KCNMB2: variants seen among roughly 807,000 people sequenced by gnomAD.
KCNMB2 encodes potassium calcium-activated channel subfamily M regulatory beta subunit 2, also known as calcium-activated potassium channel subunit beta-2.
Under a neutral mutation model 24.5 loss-of-function variants are expected in KCNMB2, and 9 were observed. The observed-to-expected ratio is 0.37, with a 90% CI of 0.22 to 0.64. The LOEUF (loss-of-function observed/expected upper bound fraction) is 0.64. Ranked by LOEUF, KCNMB2 falls within the 30% of genes least tolerant of loss-of-function variation. The pLI is 0.63. For missense variants in KCNMB2, 226 were observed against 284.3 expected, an observed-to-expected ratio of 0.79 and a Z score of 1.47; for synonymous variants, 109 against 104.4, an observed-to-expected ratio of 1.04 and a Z score of -0.27.
intron 1 of KCNMB2, among the ~76,000 whole-genome samples, chr3:178,782,907 G>A (rs940703610): frequency 2.6e-4 from 40 of 151,468 alleles, no homozygotes; most frequent in African/African-American, 9.7e-4. Flanking sequence ...TTTTCTTCTA[G>A]GGTTTTTATG....
At chr3:178,626,042 C>T (rs769955726) in intron 1 of KCNMB2, among the ~76,000 whole-genome samples, 10 of 152,186 alleles carry the variant, frequency 6.6e-5, no homozygotes, top group Non-Finnish European at 1.3e-4. Flanking sequence ...GAGCACCCAG[C>T]TGAAGGTTAA....
chr3:178,580,789 A>G (rs1717168681), intron 1 of KCNMB2, among the ~76,000 whole-genome samples: 1 of 152,192 alleles, frequency 6.6e-6, no homozygotes, highest in Admixed American at 6.5e-5. Flanking sequence ...AGAATAAAAT[A>G]CCTAGGAATC....
At chr3:178,555,415 GT>G (rs934644627) in intron 1 of KCNMB2, among the ~76,000 whole-genome samples, 1 of 152,204 alleles carries the variant, frequency 6.6e-6, no homozygotes, top group Non-Finnish European at 1.5e-5. Context: ...TCTTGGGCAA[GT>G]TACTTAATGT....
chr3:178,568,854 T>TGATAGATA (rs5854811), intron 1 of KCNMB2, among the ~76,000 whole-genome samples: 4,524 of 80,334 alleles, frequency 0.056, 130 homozygotes, highest in Non-Finnish European at 0.067. Context: ...GATAGATAGA[T>TGATAGATA]GATAGATAGA....
rs149322092 is a variant in KCNMB2 at position 178,766,637 on chromosome 3, T to C, written c.-67-40706T>C. ...TTTCTGATATGCCTTCCCAACTAGA[T>C]TTTAAGTGTTTTAAAGGAAGACATG... On this transcript the variant is annotated intron_variant, in intron 1 of 4. Coordinates refer to ENST00000452583, the MANE Select transcript of KCNMB2 (RefSeq NM_181361.3). Among the ~76,000 whole-genome samples, 46 of 152,378 alleles carry C rather than the reference T, an allele frequency of 3.0e-4. 3 individuals carry two copies. The highest frequency in any genetic ancestry group is 1.0e-3 in the African/African-American group (42 of 41,588).
chr3:178,616,793 A>G (rs1718722468), intron 1 of KCNMB2, among the ~76,000 whole-genome samples: 1 of 152,152 alleles, frequency 6.6e-6, no homozygotes. Flanking sequence ...TCGTAGATGG[A>G]AAAACAAAAA....
At chr3:178,696,215 A>G (rs906371570) in intron 1 of KCNMB2, among the ~76,000 whole-genome samples, 17 of 152,150 alleles carry the variant, frequency 1.1e-4, no homozygotes, top group Non-Finnish European at 2.2e-4. Flanking sequence ...AGGATGGGGG[A>G]AACCATCCTT....
Position 178,759,389 on chromosome 3 carries a change from ATC to A in KCNMB2, c.-67-47949_-67-47948del, listed in dbSNP as rs1330096085. ...TCCAAGAGGATATATATATATATAT[ATC>A]TCTCCAAGAGGATATATATATATAT... On this transcript the variant is annotated intron_variant, in intron 1 of 4. Transcript: ENST00000452583. Among the ~76,000 whole-genome samples, 26 of 24,630 alleles carry A rather than the reference ATC, an allele frequency of 1.1e-3. 2 individuals are homozygous for A. The highest frequency in any genetic ancestry group is 8.5e-3 in the African/African-American group (10 of 1,180). The allele number at this position is 24,630 out of a possible 152,430, so 16.2% of individuals were successfully genotyped here.
intron 2 of KCNMB2, among the ~76,000 whole-genome samples, chr3:178,821,486 T>C (rs531121548): frequency 0.015 from 2,337 of 152,252 alleles, 31 homozygotes; most frequent in Non-Finnish European, 0.023. Flanking sequence ...TAATTTTTGT[T>C]TTACAAAAAT....
intron 1 of KCNMB2, among the ~76,000 whole-genome samples, chr3:178,599,710 C>T (rs1402870632): frequency 6.6e-6 from 1 of 152,146 alleles, no homozygotes; most frequent in Non-Finnish European, 1.5e-5. Flanking sequence ...ATTTCCAAAA[C>T]CTTTTCCTCT....
chr3:178,595,608 C>T (rs1054048374), intron 1 of KCNMB2, among the ~76,000 whole-genome samples: 44 of 152,054 alleles, frequency 2.9e-4, no homozygotes, highest in African/African-American at 1.0e-3. Context: ...TAAGGGGCTT[C>T]CCCATTAGCT....
chr3:178,599,115 C>A (rs1007459202), intron 1 of KCNMB2, among the ~76,000 whole-genome samples: 1 of 152,026 alleles, frequency 6.6e-6, no homozygotes, highest in African/African-American at 2.4e-5. Flanking sequence ...AAGGTGAAAA[C>A]CAAGTAGAAG....
chr3:178,543,460 C>T (rs1715684908), intron 1 of KCNMB2, among the ~76,000 whole-genome samples: 1 of 152,314 alleles, frequency 6.6e-6, no homozygotes, highest in South Asian at 2.1e-4. Context: ...GACTTCAGTG[C>T]ACAACGTGCA....
chr3:178,590,654 ATC>A (rs1717632513), intron 1 of KCNMB2, among the ~76,000 whole-genome samples: 1 of 152,188 alleles, frequency 6.6e-6, no homozygotes, highest in Non-Finnish European at 1.5e-5. Context: ...CACTACTAGT[ATC>A]TCTTATCTGT....
At chr3:178,741,637 C>T (rs888404949) in intron 1 of KCNMB2, among the ~76,000 whole-genome samples, 3 of 152,184 alleles carry the variant, frequency 2.0e-5, no homozygotes, top group Non-Finnish European at 2.9e-5. Context: ...CCTCTCCAGG[C>T]TTCCAAATGT....
Position 178,830,795 on chromosome 3 carries a change from A to G in KCNMB2, c.423+2422A>G, listed in dbSNP as rs140676043. 3.0e-4 allele frequency among the ~76,000 whole-genome samples: 45 copies of G among 152,216 alleles called. No homozygotes were observed. The East Asian group carries it at 8.5e-3, about 29-fold the overall frequency. On this transcript the variant is annotated intron_variant, in intron 4 of 4. Transcript: ENST00000452583. ...TTCTGTGGAATTGTTTCTTCTTTAC[A>G]TTCAATATAGGAATCATTTAAATAT... is the stretch of plus-strand genomic sequence containing the variant.
chr3:178,828,856 G>A (rs1337974982), intron 4 of KCNMB2, among the ~76,000 whole-genome samples: 5 of 151,630 alleles, frequency 3.3e-5, no homozygotes, highest in African/African-American at 1.2e-4. Context: ...ACCTTGCAAG[G>A]TCCTTATGAA....
At chr3:178,567,093 CT>C in intron 1 of KCNMB2, among the ~76,000 whole-genome samples, 1 of 152,166 alleles carries the variant, frequency 6.6e-6, no homozygotes, top group Non-Finnish European at 1.5e-5. Flanking sequence ...TGAAGGTATA[CT>C]TTGCATATCA....
intron 1 of KCNMB2, among the ~76,000 whole-genome samples, chr3:178,723,943 C>T (rs1243180901): frequency 1.3e-5 from 2 of 152,134 alleles, no homozygotes; most frequent in East Asian, 3.9e-4. Flanking sequence ...CCATGGTAAA[C>T]ATACAAGTGC....
Sources: allele counts gnomAD v4.1 joint callset (sites outside exome capture counted in the v4.1 genomes callset), GRCh38; gene constraint gnomAD v4.1.1; transcripts MANE v1.5; gene names NCBI Gene and HGNC (gene_info 2026-07-23, HGNC 2026-07-21).